Variants in XRCC5 observed in about 807,000 individuals in gnomAD.
XRCC5 encodes the protein DNA repair protein Ku80.
XRCC5 carries 12 observed loss-of-function variants against 95.7 expected under a neutral mutation model. That is an observed-to-expected ratio of 0.13 (90% CI 0.08 to 0.20). The LOEUF (loss-of-function observed/expected upper bound fraction) is 0.20. Among genes scored for constraint, XRCC5 ranks in the 10% least tolerant of loss-of-function variants. The pLI is 1.00. For synonymous variants in XRCC5, 281 were observed against 290.3 expected (o/e 0.97, Z 0.33); for missense variants, 595 against 873.9 (o/e 0.68, Z 4.02).
At chr2:216,178,615 G>A (rs1441171315) in intron 16 of XRCC5, among the ~76,000 whole-genome samples, 2 of 152,202 alleles carry the variant, frequency 1.3e-5, no homozygotes, top group African/African-American at 4.8e-5. Flanking sequence ...ATGTCTTCAT[G>A]CATATAATCA....
chr2:216,150,610 C>T (rs1407436115), intron 14 of XRCC5, among the ~76,000 whole-genome samples: 1 of 152,078 alleles, frequency 6.6e-6, no homozygotes, highest in Non-Finnish European at 1.5e-5. Context: ...GAGGTATTTG[C>T]ATATATAAAC....
chr2:216,127,361 A>AT (rs1231753216), intron 7 of XRCC5, among the ~76,000 whole-genome samples, 175 bp from the exon 8 acceptor site: 5 of 152,256 alleles, frequency 3.3e-5, no homozygotes, highest in African/African-American at 1.2e-4. Context: ...GTTATCCAGT[A>AT]TATTTTGTTA....
chr2:216,191,079 A>G (rs541602127), intron 17 of XRCC5, among the ~76,000 whole-genome samples: 1 of 152,356 alleles, frequency 6.6e-6, no homozygotes, highest in Non-Finnish European at 1.5e-5. Flanking sequence ...TAGATTCAAT[A>G]ACAGATTCAG....
intron 13 of XRCC5, among the ~76,000 whole-genome samples, chr2:216,141,539 TC>T (rs1164462149): frequency 2.4e-4 from 27 of 110,536 alleles, no homozygotes; most frequent in African/African-American, 7.5e-4. Context: ...TTCTTTCTTT[TC>T]TTTTTTTTTT....
At chr2:216,173,561 C>A (rs1285015352) in intron 16 of XRCC5, among the ~76,000 whole-genome samples, 1 of 152,176 alleles carries the variant, frequency 6.6e-6, no homozygotes, top group Admixed American at 6.5e-5. Flanking sequence ...TCCAGTCGTT[C>A]TATAAAATCC....
intron 19 of XRCC5, chr2:216,203,917 C>T (rs1476091941): frequency 7.8e-6 from 1 of 128,026 alleles, no homozygotes; most frequent in Non-Finnish European, 1.5e-5. Context: ...ATTTGATTCT[C>T]ATGCTCCTTT....
intron 9 of XRCC5, 86 bp downstream of exon 9, chr2:216,131,073 T>C: frequency 7.0e-7 from 1 of 1,425,022 alleles, no homozygotes; most frequent in Non-Finnish European, 9.5e-7. Flanking sequence ...ATTTATAAGG[T>C]ATATTTATTT....
chr2:216,205,356 A>T lies in XRCC5; in HGVS notation c.*154A>T. 1.2e-6 allele frequency: 1 copy of T among 804,428 alleles called. No individual in the cohort carries two copies. Among genetic ancestry groups the T allele is most frequent in the Non-Finnish European group, 2.2e-6 (1 of 458,006 alleles). 49.8% of individuals were successfully genotyped at this position (804,428 alleles called of 1,614,324 possible). On this transcript the variant is annotated 3_prime_UTR_variant, in exon 21 of 21. Transcript: ENST00000392132. ...GGCGGATCATCTAATTCTCTGTGGA[A>T]TGAATACACACATATATATTACAAG...
chr2:216,184,423 A>G (rs1370645607), intron 16 of XRCC5, among the ~76,000 whole-genome samples: 1 of 152,210 alleles, frequency 6.6e-6, no homozygotes, highest in African/African-American at 2.4e-5. Context: ...CTACCTCACT[A>G]GAAAGAAAGA....
chr2:216,141,496 A>C lies in XRCC5; in HGVS notation c.1476+177A>C, dbSNP rs144433844. Among the ~76,000 whole-genome samples the C allele has an allele frequency of 7.6e-3, 1,111 of 146,500 alleles. 18 individuals carry two copies. The highest frequency in any genetic ancestry group is 0.026 in the African/African-American group (1,047 of 39,588). ...TACTTCAGAAGGTAAAAATATTCTG[A>C]GCTCTTAAAAAGAAAAATAAAGTTG... On this transcript the variant is annotated intron_variant, in intron 13 of 20. Coordinates refer to ENST00000392132, the MANE Select transcript of XRCC5 (RefSeq NM_021141.4).
intron 16 of XRCC5, among the ~76,000 whole-genome samples, chr2:216,165,228 G>A (rs952309090): frequency 6.6e-6 from 1 of 152,078 alleles, no homozygotes; most frequent in African/African-American, 2.4e-5. Flanking sequence ...TTTTAAGGTC[G>A]TGTATCTGAA....
At chr2:216,177,383 G>A (rs1030657142) in intron 16 of XRCC5, among the ~76,000 whole-genome samples, 2 of 152,030 alleles carry the variant, frequency 1.3e-5, no homozygotes, top group African/African-American at 2.4e-5. Context: ...ATTTTTACAG[G>A]GTGACACTAA....
chr2:216,198,537 ATT>A lies in XRCC5; in HGVS notation c.2109+3553_2109+3554del, dbSNP rs74587051. 6.2e-5 allele frequency among the ~76,000 whole-genome samples: 5 copies of A among 80,820 alleles called. No individual in the cohort carries two copies. The Admixed American group carries it at 8.5e-4, about 14-fold the overall frequency. 53.0% of individuals were successfully genotyped at this position (80,820 alleles called of 152,430 possible). A position where few individuals can be genotyped will look rare whatever the true frequency, so the allele number is the denominator to read the frequency against. On this transcript the variant is annotated intron_variant, in intron 19 of 20. Coordinates refer to ENST00000392132, the MANE Select transcript of XRCC5 (RefSeq NM_021141.4). The stretch of plus-strand genomic sequence containing the variant: ...GATCCTTTGTATGAAAAATGCTTTT[ATT>A]TATTTATTTATTTATTTATTTATTT...
rs760550658 is a variant in XRCC5 at position 216,137,139 on chromosome 2, A to G, written c.1165A>G (p.Met389Val). The change falls in exon 11 of 21, where the codon ATG (methionine) becomes GTG (valine). Residue 389 changes from methionine (M) to valine (V), a missense_variant. Physicochemically the swap from Met to Val is conservative, Grantham distance 21. This residue lies in a region of XRCC5 where 286 missense variants were observed against 491.1 expected (regional missense o/e 0.58). Coordinates refer to ENST00000392132, the MANE Select transcript of XRCC5 (RefSeq NM_021141.4). ...SLIHALDDLD[M>V]VAIVRYAYDK... ...GATTCATGCTTTGGATGACTTAGAC[A>G]TGGTGGCCATAGTTCGATATGCTTA... The G allele has an allele frequency of 5.1e-5, 83 of 1,613,958 alleles. No homozygotes were observed. In the East Asian group the frequency reaches 1.8e-3, roughly 35 times the overall value.
At position 216,117,627 on chromosome 2, in the gene XRCC5, C is replaced by T. The variant is rs1696723533; in HGVS notation, c.320-119C>T. On this transcript the variant is annotated intron_variant, in intron 3 of 20. Transcript: ENST00000392132. ...TGGAAGAAGGGCACTCAGGCAAGTA[C>T]TTTAAGTCATCACATAGTTCAGTGT... 10 of 962,678 alleles carry T rather than the reference C, an allele frequency of 1.0e-5. No individual in the cohort carries two copies. In the South Asian group the frequency reaches 1.3e-4, roughly 12 times the overall value. 59.6% of individuals were successfully genotyped at this position (962,678 alleles called of 1,614,324 possible).
intron 14 of XRCC5, among the ~76,000 whole-genome samples, chr2:216,153,888 GC>G (rs755510702): frequency 6.6e-6 from 1 of 152,122 alleles, no homozygotes; most frequent in Non-Finnish European, 1.5e-5. Flanking sequence ...GTGCCTGTAG[GC>G]CCCTCCAGTT....
At chr2:216,156,492 G>T (rs538521915) in intron 14 of XRCC5, 2 of 646,678 alleles carry the variant, frequency 3.1e-6, no homozygotes, top group Non-Finnish European at 6.0e-6. Flanking sequence ...CGATGCTGAC[G>T]CATTCAATCA....
At chr2:216,151,421 TTC>T (rs1454558463) in intron 14 of XRCC5, among the ~76,000 whole-genome samples, 1 of 152,174 alleles carries the variant, frequency 6.6e-6, no homozygotes, top group Non-Finnish European at 1.5e-5. Flanking sequence ...GTCTAAAGCT[TTC>T]TGCTCTTTTC....
intron 4 of XRCC5, among the ~76,000 whole-genome samples, chr2:216,118,578 A>T (rs1172338738): frequency 2.0e-5 from 3 of 152,172 alleles, no homozygotes; most frequent in African/African-American, 7.2e-5. Context: ...CAGGAAAATC[A>T]TTTGCACTAA....
Sources: gnomAD v4.1 joint callset for allele counts (sites outside exome capture counted in the v4.1 genomes callset) on GRCh38, gnomAD v4.1.1 for gene constraint, gnomAD v4.1.1 regional missense constraint, MANE v1.5 for transcripts, NCBI Gene and HGNC (gene_info 2026-07-23, HGNC 2026-07-21) for gene names.